Variants in DPP10 observed in about 807,000 individuals in gnomAD.
DPP10 encodes inactive dipeptidyl peptidase 10.
DPP10 carries 33 observed loss-of-function variants against 120.9 expected under a neutral mutation model. The observed-to-expected ratio is 0.27, with a 90% CI of 0.21 to 0.37. The LOEUF is 0.37. Ranked by LOEUF, DPP10 falls within the 10% of genes least tolerant of loss-of-function variation. The pLI is 1.00. For synonymous variants in DPP10, 337 were observed against 326.1 expected (o/e 1.03, Z -0.36); for missense variants, 816 against 942.8 (o/e 0.87, Z 1.76).
chr2:114,614,686 C>T (rs1461628507), intron 1 of DPP10, among the ~76,000 whole-genome samples: 1 of 152,086 alleles, frequency 6.6e-6, no homozygotes, highest in East Asian at 1.9e-4. Flanking sequence ...CGGGATACTC[C>T]GGGAAGTTCC....
intron 1 of DPP10, among the ~76,000 whole-genome samples, chr2:115,239,852 G>A (rs1020313638): frequency 6.6e-6 from 1 of 152,116 alleles, no homozygotes; most frequent in African/African-American, 2.4e-5. Flanking sequence ...AACATGCAGT[G>A]TTTGATTTTC....
At chr2:115,734,845 G>A (rs2092997530) in intron 8 of DPP10, among the ~76,000 whole-genome samples, 1 of 152,002 alleles carries the variant, frequency 6.6e-6, no homozygotes, top group Non-Finnish European at 1.5e-5. Flanking sequence ...CTGAAGAAAG[G>A]TGGCACGTTC....
chr2:115,657,424 CAG>C (rs556607193), intron 5 of DPP10, among the ~76,000 whole-genome samples: 99 of 151,700 alleles, frequency 6.5e-4, no homozygotes, highest in Non-Finnish European at 2.2e-4. Context: ...ATTTATGAAA[CAG>C]AAAATATGGT....
At chr2:115,733,640 C>G (rs900614822) in intron 8 of DPP10, among the ~76,000 whole-genome samples, 1 of 150,742 alleles carries the variant, frequency 6.6e-6, no homozygotes, top group Middle Eastern at 3.6e-3. Flanking sequence ...AAGTAGCATC[C>G]TCAGGAAATC....
At chr2:115,711,860 C>T (rs2092325124) in intron 7 of DPP10, among the ~76,000 whole-genome samples, 1 of 146,636 alleles carries the variant, frequency 6.8e-6, no homozygotes, top group Non-Finnish European at 1.5e-5. Flanking sequence ...AGAAGATATA[C>T]TTTAAAATGC....
intron 1 of DPP10, among the ~76,000 whole-genome samples, chr2:115,103,184 CTTTTTTTTTT>C (rs71394123): frequency 8.2e-6 from 1 of 122,154 alleles, no homozygotes; most frequent in Non-Finnish European, 1.7e-5. Context: ...CTGATTCTCT[CTTTTTTTTTT>C]TTTTTTTTTT....
intron 5 of DPP10, among the ~76,000 whole-genome samples, chr2:115,538,017 G>A (rs576174014): frequency 6.0e-4 from 91 of 152,136 alleles, no homozygotes; most frequent in African/African-American, 2.2e-3. Context: ...ATCCAAGGGA[G>A]CCAGGCAGAG....
chr2:114,833,903 CATG>C (rs1687368352), intron 1 of DPP10: 1 of 152,088 alleles, frequency 6.6e-6, no homozygotes, highest in African/African-American at 2.4e-5. Flanking sequence ...TTGGATGACA[CATG>C]GTGGTGCTTC....
In DPP10 at chr2:115,279,655, C is replaced by CTTTTTTTTTTTTT. The variant is rs70941039; in HGVS notation, c.61-29569_61-29557dup. ...TTTCTTTCTTTCTTTTTTTCTTCTTCTTTTTTTTTTTTTTTTTTTTTTTTT... is the reference window on the plus strand; with the variant it reads ...TTTCTTTCTTTCTTTTTTTCTTCTTCTTTTTTTTTTTTTTTTTTTTTTTTTTTTTTTTTTTTTT... On this transcript the variant is annotated intron_variant, in intron 1 of 25. Transcript: ENST00000410059. 2.6e-4 allele frequency among the ~76,000 whole-genome samples: 11 copies of CTTTTTTTTTTTTT among 42,710 alleles called. 1 individual carries two copies. The highest frequency in any genetic ancestry group is 8.7e-4 in the African/African-American group (8 of 9,152). 28.0% of individuals were successfully genotyped at this position (42,710 alleles called of 152,430 possible).
intron 19 of DPP10, among the ~76,000 whole-genome samples, chr2:115,809,210 A>T (rs1686358028): frequency 6.6e-6 from 1 of 152,210 alleles, no homozygotes; most frequent in Non-Finnish European, 1.5e-5. Context: ...TAATAAAGAG[A>T]TAAATAGAAG....
At chr2:115,740,114 C>T (rs1336794114) in intron 9 of DPP10, among the ~76,000 whole-genome samples, 1 of 151,996 alleles carries the variant, frequency 6.6e-6, no homozygotes, top group Non-Finnish European at 1.5e-5. Flanking sequence ...ACTTTTGTTG[C>T]ATTTCTTTCC....
At chr2:114,601,516 G>A (rs1692366266) in intron 1 of DPP10, among the ~76,000 whole-genome samples, 1 of 151,702 alleles carries the variant, frequency 6.6e-6, no homozygotes, top group Non-Finnish European at 1.5e-5. Flanking sequence ...ATAAGTATAT[G>A]GTGTTTCACA....
intron 1 of DPP10, among the ~76,000 whole-genome samples, chr2:115,028,793 C>T (rs1703646088): frequency 6.6e-6 from 1 of 152,004 alleles, no homozygotes; most frequent in African/African-American, 2.4e-5. Flanking sequence ...GAATTGATCC[C>T]TTTATCTTTA....
intron 1 of DPP10, among the ~76,000 whole-genome samples, chr2:114,826,196 A>G (rs1686516663): frequency 6.6e-6 from 1 of 152,226 alleles, no homozygotes; most frequent in East Asian, 1.9e-4. Flanking sequence ...GAAGAGAATA[A>G]AAATGAATTA....
chr2:115,445,930 T>C lies in DPP10; in HGVS notation c.272-53580T>C, dbSNP rs117047096. ...ATGGGCCCAGGACCCCACTGCTCTG[T>C]GCACCACTGGGACTTGGTGTCCTGC... On this transcript the variant is annotated intron_variant, in intron 3 of 25. Transcript: ENST00000410059. Among the ~76,000 whole-genome samples the C allele has an allele frequency of 4.0e-3, 607 of 152,146 alleles. 24 individuals are homozygous for C. In the East Asian group the frequency reaches 0.076, roughly 19 times the overall value.
At chr2:115,773,780 A>G (rs964912965) in intron 13 of DPP10, among the ~76,000 whole-genome samples, 2 of 152,086 alleles carry the variant, frequency 1.3e-5, no homozygotes, top group Non-Finnish European at 2.9e-5. Flanking sequence ...AAATACTGTG[A>G]TATTTATTAA....
At chr2:115,530,401 G>A (rs1449064532) in intron 5 of DPP10, among the ~76,000 whole-genome samples, 1 of 151,988 alleles carries the variant, frequency 6.6e-6, no homozygotes, top group Non-Finnish European at 1.5e-5. Flanking sequence ...TTTACTCAGG[G>A]TAATCATGTT....
intron 1 of DPP10, among the ~76,000 whole-genome samples, chr2:115,027,833 A>G (rs1242552586): frequency 6.6e-6 from 1 of 151,982 alleles, no homozygotes; most frequent in East Asian, 1.9e-4. Flanking sequence ...TCATGGTTCA[A>G]TCTTGGTAGG....
chr2:115,747,550 A>G (rs899050320), intron 10 of DPP10, among the ~76,000 whole-genome samples: 2 of 150,838 alleles, frequency 1.3e-5, no homozygotes, highest in African/African-American at 2.4e-5. Flanking sequence ...CATTTGTCTC[A>G]TTGGATAAAT....
Sources: gnomAD v4.1 joint callset for allele counts (sites outside exome capture counted in the v4.1 genomes callset) on GRCh38, gnomAD v4.1.1 for gene constraint, MANE v1.5 for transcripts, NCBI Gene and HGNC (gene_info 2026-07-23, HGNC 2026-07-21) for gene names.